DENND2B: variants seen among roughly 807,000 people sequenced by gnomAD.
The protein encoded by DENND2B is DENN domain containing 2B.
Under a neutral mutation model 116.0 loss-of-function variants are expected in DENND2B, and 32 were observed. The ratio of observed to expected loss-of-function variants is 0.28; its 90% CI spans 0.21 to 0.37. DENND2B has a LOEUF of 0.37. DENND2B is among the 10% of genes least tolerant of loss of function. The probability of loss-of-function intolerance (pLI) is 1.00; values close to 1 mark genes in which losing one functional copy is unlikely to be tolerated. For synonymous variants in DENND2B, 588 were observed against 583.9 expected (o/e 1.01, Z -0.10); for missense variants, 1,276 against 1,477.7 (o/e 0.86, Z 2.24).
chr11:8,717,679 AG>A, intron 5 of DENND2B, 61 bp downstream of exon 5: 1 of 1,471,430 alleles, frequency 6.8e-7, no homozygotes, highest in Non-Finnish European at 9.0e-7. Flanking sequence ...AAGTCTTGGA[AG>A]AGCAGGCCCC....
At chr11:8,875,184 G>C (rs937285799), upstream of DENND2B, among the ~76,000 whole-genome samples, 3 of 151,762 alleles carry the variant, frequency 2.0e-5, no homozygotes, top group African/African-American at 7.3e-5. Context: ...TTAGCCGGGC[G>C]TGGTGGTGGG....
chr11:8,708,057 T>C (rs2042930921), intron 11 of DENND2B: 1 of 1,495,780 alleles, frequency 6.7e-7, no homozygotes, highest in Non-Finnish European at 8.9e-7. Context: ...CTCTGCAGGG[T>C]CTCCCAGCAC....
At chr11:8,723,952 A>T (rs886152371) in intron 4 of DENND2B, among the ~76,000 whole-genome samples, 1 of 152,238 alleles carries the variant, frequency 6.6e-6, no homozygotes, top group African/African-American at 2.4e-5. Flanking sequence ...AGTGGTAAGG[A>T]AACGGCTGTG....
In DENND2B at chr11:8,752,259, C is replaced by T. The variant is rs184587775; in HGVS notation, c.-25-1534G>A. Among the ~76,000 whole-genome samples the T allele has an allele frequency of 3.9e-5, 6 of 152,262 alleles. No homozygotes were observed. The East Asian group carries it at 9.7e-4, about 25-fold the overall frequency. On this transcript the variant is annotated intron_variant, in intron 1 of 19. Transcript: ENST00000313726. Reference sequence around the variant, plus strand: ...CTTGAGGTCAGGAGTTCAGACCAGCCTGGGCAACATGGTGAAACCCCTTCT... The same window carrying T: ...CTTGAGGTCAGGAGTTCAGACCAGCTTGGGCAACATGGTGAAACCCCTTCT...
At chr11:8,845,129 A>G (rs2062767077) in intron 3 of DENND2B, 1 of 152,246 alleles carries the variant, frequency 6.6e-6, no homozygotes, top group South Asian at 2.1e-4. Flanking sequence ...TGATCAAAAC[A>G]TAATTGGTTT....
intron 16 of DENND2B, among the ~76,000 whole-genome samples, chr11:8,698,260 C>CCAGG (rs142112174): frequency 0.029 from 4,329 of 151,494 alleles, 206 homozygotes; most frequent in African/African-American, 0.099. Flanking sequence ...ATCTTCAGCT[C>CCAGG]CAGGCAGGAG....
chr11:8,834,577 G>A (rs2062344774), intron 4 of DENND2B, among the ~76,000 whole-genome samples: 1 of 152,204 alleles, frequency 6.6e-6, no homozygotes, highest in African/African-American at 2.4e-5. Context: ...AGTTAGGCAT[G>A]GCACATTCCA....
At chr11:8,780,143 C>A (rs1246533745) in intron 1 of DENND2B, among the ~76,000 whole-genome samples, 3 of 152,188 alleles carry the variant, frequency 2.0e-5, no homozygotes, top group Admixed American at 6.5e-5. Flanking sequence ...AGTCATGCAT[C>A]CATTCAGCTA....
chr11:8,850,787 C>T (rs2062977676), intron 3 of DENND2B, among the ~76,000 whole-genome samples: 1 of 151,954 alleles, frequency 6.6e-6, no homozygotes, highest in South Asian at 2.1e-4. Flanking sequence ...TGTCTATCAA[C>T]AGATAAATAA....
intron 1 of DENND2B, among the ~76,000 whole-genome samples, chr11:8,886,029 C>T (rs1191335345): frequency 1.3e-5 from 2 of 152,106 alleles, no homozygotes; most frequent in African/African-American, 4.8e-5. Context: ...CAGCCTCGAC[C>T]TCCCAGGTTC....
At chr11:8,701,422 CCGCCTCCTCCAG>C (rs1565634776) in intron 14 of DENND2B, among the ~76,000 whole-genome samples, 1 of 149,920 alleles carries the variant, frequency 6.7e-6, no homozygotes, top group Admixed American at 6.7e-5. Context: ...AAATCAAACA[CCGCCTCCTCCAG>C]CCTTCTTATC....
intron 16 of DENND2B, 84 bp downstream of exon 16, chr11:8,698,849 C>G: frequency 6.6e-7 from 1 of 1,525,304 alleles, no homozygotes; most frequent in Admixed American, 1.7e-5. Context: ...GAGAGCTCAA[C>G]AAACAGGTTG....
chr11:8,858,141 T>C (rs572181594), intron 2 of DENND2B, among the ~76,000 whole-genome samples: 1 of 152,318 alleles, frequency 6.6e-6, no homozygotes, highest in African/African-American at 2.4e-5. Context: ...TGTACCTCCC[T>C]TTCCTCTCCA....
intron 1 of DENND2B, among the ~76,000 whole-genome samples, chr11:8,794,151 TAAAC>T (rs1255405051): frequency 6.6e-6 from 1 of 152,232 alleles, no homozygotes; most frequent in Non-Finnish European, 1.5e-5. Context: ...AAAAATGTCT[TAAAC>T]AAAAGTTAGC....
intron 1 of DENND2B, among the ~76,000 whole-genome samples, chr11:8,798,870 C>T (rs1376983171): frequency 6.6e-6 from 1 of 150,600 alleles, no homozygotes; most frequent in Non-Finnish European, 1.5e-5. Context: ...TCTTGTTGCC[C>T]AGGCTGGAGT....
intron 11 of DENND2B, 86 bp downstream of exon 11, chr11:8,710,754 CACACA>C (rs2043482690): frequency 2.0e-5 from 1 of 50,386 alleles, no homozygotes; most frequent in Non-Finnish European, 3.3e-5. Flanking sequence ...TGCAGAAGGG[CACACA>C]CACACACACA....
chr11:8,890,910 G>A (rs550609160), intron 1 of DENND2B, among the ~76,000 whole-genome samples: 3,511 of 152,086 alleles, frequency 0.023, 136 homozygotes, highest in Admixed American at 0.058. Context: ...GATACTCCTC[G>A]AGAAGAGCAA....
chr11:8,858,559 G>A (rs2063277210), intron 2 of DENND2B, among the ~76,000 whole-genome samples: 2 of 152,174 alleles, frequency 1.3e-5, no homozygotes, highest in Non-Finnish European at 2.9e-5. Flanking sequence ...AGGAAGGCAG[G>A]AGCAGATGGG....
At chr11:8,768,749 G>A (rs569059284) in intron 1 of DENND2B, 1 of 152,644 alleles carries the variant, frequency 6.6e-6, no homozygotes, top group African/African-American at 2.4e-5. Context: ...TTCTGGACTA[G>A]TCAGCATGCT....
Sources: allele counts gnomAD v4.1 joint callset (sites outside exome capture counted in the v4.1 genomes callset), GRCh38; gene constraint gnomAD v4.1.1; transcripts MANE v1.5; gene names NCBI Gene and HGNC (gene_info 2026-07-23, HGNC 2026-07-21).